WDR43: variants seen among roughly 807,000 people sequenced by gnomAD.
WDR43 encodes WD repeat-containing protein 43.
A neutral mutation model predicts 91.4 loss-of-function variants in WDR43; 13 were observed. The ratio of observed to expected loss-of-function variants is 0.14; its 90% confidence interval spans 0.09 to 0.23. The LOEUF is 0.23. Ranked by LOEUF, WDR43 falls within the 10% of genes least tolerant of loss-of-function variation. WDR43 has a pLI of 1.00. For synonymous variants in WDR43, 331 were observed against 287.9 expected (o/e 1.15, Z -1.51); for missense variants, 780 against 809.4 (o/e 0.96, Z 0.44).
In WDR43 at chr2:28,906,394, G is replaced by C. The variant is rs1182475000; in HGVS notation, c.364-66G>C. On this transcript the variant is annotated intron_variant, in intron 2 of 17. Coordinates refer to ENST00000407426, the MANE Select transcript of WDR43 (RefSeq NM_015131.3). ...CCCAGCATCTTGGGAGAGCGAGGAA[G>C]GAGGATCATTTGAGCCCAGGAGTTT... 268 of 1,457,980 alleles carry C rather than the reference G, an allele frequency of 1.8e-4. 1 individual carries two copies. The East Asian group carries it at 6.7e-3, about 37-fold the overall frequency. The allele number at this position is 1,457,980 out of a possible 1,614,324, so 90.3% of individuals were successfully genotyped here. A position where few individuals can be genotyped will look rare whatever the true frequency, so the allele number is the denominator to read the frequency against.
chr2:28,933,772 A>G lies in WDR43; in HGVS notation c.1438-1749A>G, dbSNP rs1292875683. 2.0e-5 allele frequency among the ~76,000 whole-genome samples: 3 copies of G among 152,242 alleles called. No homozygotes were observed. In the East Asian group the frequency reaches 5.8e-4, roughly 29 times the overall value. On this transcript the variant is annotated intron_variant, in intron 11 of 17. Transcript: ENST00000407426. ...TATCACAGAAAGGCAAATTAAAACC[A>G]CAGTGAAATAAAGCTTGCACACACC...
At chr2:28,941,249 G>A (rs1297829062) in intron 14 of WDR43, among the ~76,000 whole-genome samples, 1 of 151,976 alleles carries the variant, frequency 6.6e-6, no homozygotes, top group Non-Finnish European at 1.5e-5. Flanking sequence ...TTTTTTATAA[G>A]CCTATTATTT....
intron 1 of WDR43, among the ~76,000 whole-genome samples, chr2:28,897,061 C>A (rs1022124797): frequency 6.6e-6 from 1 of 152,086 alleles, no homozygotes; most frequent in South Asian, 2.1e-4. Flanking sequence ...AGTCATGGTG[C>A]CCCGAACTCC....
At chr2:28,933,143 T>C (rs747158453) in intron 11 of WDR43, among the ~76,000 whole-genome samples, 2 of 152,204 alleles carry the variant, frequency 1.3e-5, no homozygotes, top group African/African-American at 4.8e-5. Flanking sequence ...TTGACAAACC[T>C]ATCCTAAAAT....
chr2:28,910,421 C>G (rs910740074), intron 3 of WDR43, among the ~76,000 whole-genome samples: 2 of 152,062 alleles, frequency 1.3e-5, no homozygotes, highest in Non-Finnish European at 2.9e-5. Flanking sequence ...AGGAAAAGTT[C>G]TCTCGTACAT....
At chr2:28,934,499 C>A (rs1417171139) in intron 11 of WDR43, among the ~76,000 whole-genome samples, 1 of 152,140 alleles carries the variant, frequency 6.6e-6, no homozygotes, top group Non-Finnish European at 1.5e-5. Context: ...ATAACTATGG[C>A]TTATAGGTTT....
At chr2:28,909,183 G>A (rs1253572641) in intron 3 of WDR43, among the ~76,000 whole-genome samples, 1 of 151,998 alleles carries the variant, frequency 6.6e-6, no homozygotes, top group Non-Finnish European at 1.5e-5. Flanking sequence ...TTGTTGCCCA[G>A]CCTGGATTGC....
chr2:28,945,787 C>T (rs1413868623), intron 16 of WDR43, among the ~76,000 whole-genome samples: 1 of 152,088 alleles, frequency 6.6e-6, no homozygotes, highest in Admixed American at 6.5e-5. Flanking sequence ...CATGTTTTCC[C>T]CCAACAATCA....
In WDR43 at chr2:28,904,581, C is replaced by G. The variant is rs1395028433; in HGVS notation, c.364-1879C>G. ...CTACAGGAACAGACTAAAAATGCCA[C>G]TTTGTTTTGGTTTGTATTTCTTTGA... On this transcript the variant is annotated intron_variant, in intron 2 of 17. Coordinates refer to ENST00000407426, the MANE Select transcript of WDR43 (RefSeq NM_015131.3). Among the ~76,000 whole-genome samples, 4 of 152,116 alleles carry G rather than the reference C, an allele frequency of 2.6e-5. No homozygotes were observed. The East Asian group carries it at 7.7e-4, about 29-fold the overall frequency.
At chr2:28,902,835 AT>A (rs370227763) in intron 2 of WDR43, among the ~76,000 whole-genome samples, 274 of 152,328 alleles carry the variant, frequency 1.8e-3, no homozygotes, top group African/African-American at 6.3e-3. Flanking sequence ...ATGGTTTGGC[AT>A]TGGAAGACAG....
Position 28,947,965 on chromosome 2 carries a change from G to A in WDR43, c.*1186G>A, listed in dbSNP as rs1334532865. On this transcript the variant is annotated 3_prime_UTR_variant, in exon 18 of 18. Transcript: ENST00000407426. ...AAGCTCACCTCTAAGAAAGGGCTGGGCAGATGGATTTATTTTTTCCCACCT... is the reference window on the plus strand; with the variant it reads ...AAGCTCACCTCTAAGAAAGGGCTGGACAGATGGATTTATTTTTTCCCACCT... 2.0e-5 allele frequency: 3 copies of A among 150,696 alleles called. No individual in the cohort carries two copies. Among genetic ancestry groups the A allele is most frequent in the African/African-American group, 4.9e-5 (2 of 40,906 alleles). The allele number at this position is 150,696 out of a possible 1,614,324, so 9.3% of individuals were successfully genotyped here.
chr2:28,927,648 C>T lies in WDR43; in HGVS notation c.1253C>T (p.Ala418Val). ...IPGHHAAIKP[A>V]PPQTEQVESK... ...GGTCATCATGCAGCTATCAAGCCCG[C>T]TCCTCCACAAACCGAGCAAGTAGAG... is the stretch of plus-strand genomic sequence containing the variant. The change falls in exon 10 of 18, where the codon GCT (alanine) becomes GTT (valine). Residue 418 changes from alanine (A) to valine (V), a missense_variant. Physicochemically the swap from Ala to Val is moderately conservative, Grantham distance 64. Around this residue, in one of 4 missense-constraint regions of WDR43, gnomAD observed 426 missense variants for 467.8 expected, o/e 0.91. Transcript: ENST00000407426. The T allele has an allele frequency of 1.2e-6, 2 of 1,613,926 alleles. No individual in the cohort carries two copies. The highest frequency in any genetic ancestry group is 2.2e-5 in the South Asian group (2 of 91,080).
At chr2:28,922,827 T>A in intron 6 of WDR43, 92 bp from the exon 7 acceptor site, 3 of 563,312 alleles carry the variant, frequency 5.3e-6, no homozygotes, top group South Asian at 5.1e-5. Flanking sequence ...GGTTGTGTAA[T>A]GGGGTGGGAA....
chr2:28,922,816 T>TAG, intron 6 of WDR43, 103 bp from the exon 7 acceptor site: 1 of 447,232 alleles, frequency 2.2e-6, no homozygotes, highest in East Asian at 3.8e-5. Flanking sequence ...TTTTTTTTTC[T>TAG]GGTTGTGTAA....
At chr2:28,935,450 A>AC (rs1671320117) in intron 11 of WDR43, 71 bp from the exon 12 acceptor site, 1 of 1,090,210 alleles carries the variant, frequency 9.2e-7, no homozygotes, top group Non-Finnish European at 1.3e-6. Flanking sequence ...ATTTTTACAG[A>AC]CTTTTTTTTT....
intron 10 of WDR43, among the ~76,000 whole-genome samples, chr2:28,929,190 G>C (rs1671197415): frequency 6.6e-6 from 1 of 152,166 alleles, no homozygotes; most frequent in African/African-American, 2.4e-5. Flanking sequence ...GTTTCCTCCT[G>C]CAGATCTGAG....
chr2:28,910,202 A>G (rs1670764114), intron 3 of WDR43, among the ~76,000 whole-genome samples: 1 of 152,190 alleles, frequency 6.6e-6, no homozygotes, highest in Non-Finnish European at 1.5e-5. Flanking sequence ...TGGGGAGGAT[A>G]GAAGGTATTA....
intron 15 of WDR43, 24 bp downstream of exon 15, chr2:28,941,598 G>T (rs777987606): frequency 3.2e-6 from 5 of 1,562,754 alleles, no homozygotes; most frequent in Non-Finnish European, 4.4e-6. Context: ...ATTGTTCTGG[G>T]CTAAAACTTT....
chr2:28,940,050 T>G (rs1671405567), intron 14 of WDR43, among the ~76,000 whole-genome samples: 1 of 142,248 alleles, frequency 7.0e-6, no homozygotes, highest in Admixed American at 7.6e-5. Flanking sequence ...GGGCAGAGGT[T>G]GCAGTGAGCA....
Sources: gnomAD v4.1 joint callset for allele counts (sites outside exome capture counted in the v4.1 genomes callset) on GRCh38, gnomAD v4.1.1 for gene constraint, gnomAD v4.1.1 regional missense constraint, MANE v1.5 for transcripts, NCBI Gene and HGNC (gene_info 2026-07-23, HGNC 2026-07-21) for gene names.